Variants in RBFOX3 observed in about 807,000 individuals in gnomAD.
The protein encoded by RBFOX3 is RNA binding fox-1 homolog 3.
In RBFOX3, 17 loss-of-function variants were observed where a neutral mutation model predicts 48.7. The ratio of observed to expected loss-of-function variants is 0.35; its 90% CI spans 0.24 to 0.52. RBFOX3 has a LOEUF of 0.52. RBFOX3 is among the 20% of genes least tolerant of loss of function. RBFOX3 has a pLI of 0.94. For synonymous variants in RBFOX3, 212 were observed against 209.5 expected, an observed-to-expected ratio of 1.01 and a Z score of -0.10; for missense variants, 382 against 497.5, an observed-to-expected ratio of 0.77 and a Z score of 2.21.
intron 1 of RBFOX3, among the ~76,000 whole-genome samples, chr17:79,520,840 G>C (rs2085964594): frequency 6.6e-6 from 1 of 152,264 alleles, no homozygotes; most frequent in South Asian, 2.1e-4. Context: ...CTTCCAGACT[G>C]GCTTCTATTT....
intron 2 of RBFOX3, among the ~76,000 whole-genome samples, chr17:79,357,711 C>T (rs549657148): frequency 6.1e-4 from 76 of 123,822 alleles, no homozygotes; most frequent in Non-Finnish European, 1.0e-3. Context: ...GAGTTTAAAG[C>T]GCAGGGGGGC....
chr17:79,150,942 G>C (rs1201585261), intron 4 of RBFOX3, among the ~76,000 whole-genome samples: 1 of 152,194 alleles, frequency 6.6e-6, no homozygotes, highest in Non-Finnish European at 1.5e-5. Flanking sequence ...AACGAGCCTG[G>C]CTTGCTGCCT....
In RBFOX3 at chr17:79,212,001, G is replaced by C. The variant is rs1247515419; in HGVS notation, c.-34+23765C>G. 6.6e-6 allele frequency among the ~76,000 whole-genome samples: 1 copy of C among 152,180 alleles called. No individual in the cohort carries two copies. Among genetic ancestry groups the C allele is most frequent in the East Asian group, 1.9e-4 (1 of 5,184 alleles). On this transcript the variant is annotated intron_variant, in intron 4 of 14. Transcript: ENST00000693108. The surrounding 1 kb of genome is among the most constrained non-coding windows in gnomAD (Gnocchi z 4.7). ...CAGCGGGCCCAGGAGGTTGTGGCCA[G>C]GCCAAGCTCCCGAAAGCTCTGGTCT...
chr17:79,263,916 C>T (rs916299771), intron 3 of RBFOX3, among the ~76,000 whole-genome samples: 1 of 151,928 alleles, frequency 6.6e-6, no homozygotes, highest in Non-Finnish European at 1.5e-5. Flanking sequence ...AGCCCTAAAT[C>T]GAATAGCGGT....
intron 12 of RBFOX3, 77 bp from the exon 13 acceptor site, chr17:79,095,651 G>T: frequency 7.6e-7 from 1 of 1,317,276 alleles, no homozygotes. Flanking sequence ...GGGGAGAGGA[G>T]ACAGACCCTG....
At chr17:79,188,387 G>A (rs990650891) in intron 4 of RBFOX3, among the ~76,000 whole-genome samples, 8 of 152,232 alleles carry the variant, frequency 5.3e-5, no homozygotes, top group African/African-American at 1.7e-4. Context: ...AGTAAAAATC[G>A]GCGTGCAAAG....
chr17:79,622,764 C>T, the RBFOX3 span, among the ~76,000 whole-genome samples: 1 of 152,204 alleles, frequency 6.6e-6, no homozygotes, highest in African/African-American at 2.4e-5. Context: ...TCTCTCCAAA[C>T]ACGGTCACAC....
At chr17:79,415,272 C>G (rs542521316) in intron 2 of RBFOX3, among the ~76,000 whole-genome samples, 5 of 152,356 alleles carry the variant, frequency 3.3e-5, no homozygotes, top group Admixed American at 2.6e-4. Context: ...CCCTGGCACA[C>G]AGACTCTCAC....
intron 1 of RBFOX3, among the ~76,000 whole-genome samples, chr17:79,603,271 G>A (rs1471034310): frequency 2.0e-5 from 3 of 152,260 alleles, no homozygotes; most frequent in Admixed American, 6.5e-5. Context: ...GATTACAGGC[G>A]TGAGACACCC....
At chr17:79,368,327 G>A (rs2058070419) in intron 2 of RBFOX3, among the ~76,000 whole-genome samples, 1 of 152,218 alleles carries the variant, frequency 6.6e-6, no homozygotes, top group African/African-American at 2.4e-5. Flanking sequence ...GCCTGGGGCT[G>A]TAGCCAGGCC....
chr17:79,658,503 C>G, the RBFOX3 span, among the ~76,000 whole-genome samples: 2 of 151,510 alleles, frequency 1.3e-5, no homozygotes, highest in African/African-American at 2.4e-5. Flanking sequence ...CATGTGCACT[C>G]CATCACACCT....
intron 4 of RBFOX3, among the ~76,000 whole-genome samples, chr17:79,135,569 G>A (rs1196599421): frequency 6.6e-6 from 1 of 152,150 alleles, no homozygotes; most frequent in Non-Finnish European, 1.5e-5. Context: ...CCCATGACTG[G>A]CCCGACCTTC....
In RBFOX3 at chr17:79,477,660, C is replaced by T. The variant is rs2078134427; in HGVS notation, c.-175+4794G>A. On this transcript the variant is annotated intron_variant, in intron 2 of 14. Transcript: ENST00000693108. The surrounding 1 kb of genome is among the most constrained non-coding windows in gnomAD (Gnocchi z 4.8). ...CATGTCCTCTTTCTCACAGGGACAT[C>T]CTCAGAGCTTGCTCTGGTGGTGAAC... is the stretch of plus-strand genomic sequence containing the variant. Among the ~76,000 whole-genome samples, 2 of 152,114 alleles carry T rather than the reference C, an allele frequency of 1.3e-5. No homozygotes were observed. Among genetic ancestry groups the T allele is most frequent in the South Asian group, 2.1e-4 (1 of 4,830 alleles).
intron 1 of RBFOX3, among the ~76,000 whole-genome samples, chr17:79,581,831 A>C (rs2093069918): frequency 6.6e-6 from 1 of 152,260 alleles, no homozygotes; most frequent in African/African-American, 2.4e-5. Flanking sequence ...GCCATGGAGC[A>C]TCTGCCATGG....
intron 1 of RBFOX3, among the ~76,000 whole-genome samples, chr17:79,526,576 G>A (rs1330479116): frequency 2.6e-5 from 4 of 152,184 alleles, no homozygotes; most frequent in African/African-American, 7.2e-5. Flanking sequence ...GTAGCAAGGG[G>A]TCAGAGCAGA....
At chr17:79,562,819 A>C (rs1000882815) in intron 1 of RBFOX3, among the ~76,000 whole-genome samples, 292 of 152,326 alleles carry the variant, frequency 1.9e-3, no homozygotes, top group African/African-American at 6.4e-3. Context: ...CCCTAATGAC[A>C]TGATGATCAA....
chr17:79,614,639 C>T (rs1348082983), upstream of RBFOX3, among the ~76,000 whole-genome samples: 1 of 152,154 alleles, frequency 6.6e-6, no homozygotes, highest in East Asian at 1.9e-4. Context: ...TTAATATCCT[C>T]CCAGAGATCA....
At chr17:79,152,937 C>T (rs1435929643) in intron 4 of RBFOX3, among the ~76,000 whole-genome samples, 1 of 152,180 alleles carries the variant, frequency 6.6e-6, no homozygotes, top group Non-Finnish European at 1.5e-5. Context: ...GTGTTTCCAG[C>T]CCTTCTCTGG....
chr17:79,327,865 T>G (rs1013415774), intron 2 of RBFOX3, among the ~76,000 whole-genome samples: 1 of 152,156 alleles, frequency 6.6e-6, no homozygotes, highest in East Asian at 1.9e-4. Flanking sequence ...CTGGCTAATT[T>G]TTGTACTTTT....
Sources: allele counts gnomAD v4.1 joint callset (sites outside exome capture counted in the v4.1 genomes callset), GRCh38; gene constraint gnomAD v4.1.1; non-coding constraint Gnocchi (gnomAD v3.1); transcripts MANE v1.5; gene names NCBI Gene and HGNC (gene_info 2026-07-23, HGNC 2026-07-21).